The following LPP variants were observed in gnomAD, a reference collection of about 807,000 sequenced individuals.
LPP encodes lipoma-preferred partner.
In LPP, 38 loss-of-function variants were observed where a neutral mutation model predicts 60.4. The observed-to-expected ratio is 0.63, with a 90% CI of 0.49 to 0.83. The LOEUF is 0.83. Ranked by LOEUF, LPP falls within the 40% of genes least tolerant of loss-of-function variation. LPP has a pLI of 0.00. For synonymous variants in LPP, 328 were observed against 290.8 expected (o/e 1.13, Z -1.30); for missense variants, 902 against 783.6 (o/e 1.15, Z -1.80).
intron 3 of LPP, among the ~76,000 whole-genome samples, chr3:188,384,129 G>C (rs1370140162): frequency 6.6e-6 from 1 of 152,102 alleles, no homozygotes; most frequent in East Asian, 1.9e-4. Context: ...GAAATATTTT[G>C]CTCCATGTGT....
At chr3:188,494,741 A>G (rs1809428487) in intron 5 of LPP, among the ~76,000 whole-genome samples, 1 of 151,980 alleles carries the variant, frequency 6.6e-6, no homozygotes, top group African/African-American at 2.4e-5. Context: ...GTGCTCTTCC[A>G]GGCTTCCTGG....
chr3:188,610,945 G>A lies in LPP; in HGVS notation c.1113+1101G>A, dbSNP rs1373302448. 6.6e-6 allele frequency among the ~76,000 whole-genome samples: 1 copy of A among 152,192 alleles called. No individual in the cohort carries two copies. The highest frequency in any genetic ancestry group is 6.5e-5 in the Admixed American group (1 of 15,272). On this transcript the variant is annotated intron_variant, in intron 7 of 11. Coordinates refer to ENST00000617246, the MANE Select transcript of LPP (RefSeq NM_001375462.1). The surrounding 1 kb of genome is among the most constrained non-coding windows in gnomAD (Gnocchi z 4.4). ...ATGGTAGTTTTGGGGGATGGATTGG[G>A]TAGAAGTTTGGACTGTATTTTTAAA... is the stretch of plus-strand genomic sequence containing the variant.
At chr3:188,328,401 A>T (rs1759051625) in intron 2 of LPP, among the ~76,000 whole-genome samples, 1 of 152,208 alleles carries the variant, frequency 6.6e-6, no homozygotes, top group South Asian at 2.1e-4. Context: ...ATCACTGCTC[A>T]TTCATCAAAA....
intron 4 of LPP, among the ~76,000 whole-genome samples, chr3:188,448,603 G>T (rs1049860269): frequency 6.6e-6 from 1 of 152,118 alleles, no homozygotes; most frequent in Admixed American, 6.6e-5. Context: ...GACGATCTCT[G>T]TCAGTTTTGC....
intron 6 of LPP, among the ~76,000 whole-genome samples, chr3:188,580,821 C>A (rs1021746120): frequency 4.6e-5 from 7 of 152,074 alleles, no homozygotes; most frequent in African/African-American, 1.7e-4. Context: ...GCTGGCTAGG[C>A]AATCTAACAT....
chr3:188,848,823 G>A (rs536921704), intron 9 of LPP, among the ~76,000 whole-genome samples: 12 of 151,946 alleles, frequency 7.9e-5, no homozygotes, highest in Non-Finnish European at 1.3e-4. Context: ...AAAATTAGCC[G>A]GGCATGGTGG....
chr3:188,211,655 C>A (rs1734726789), intron 1 of LPP, among the ~76,000 whole-genome samples: 1 of 152,114 alleles, frequency 6.6e-6, no homozygotes, highest in Admixed American at 6.5e-5. Flanking sequence ...TTAAACTGAG[C>A]AATTCACCCC....
intron 4 of LPP, among the ~76,000 whole-genome samples, chr3:188,466,844 C>CATATATATATATATATATAT: frequency 1.9e-5 from 1 of 54,038 alleles, no homozygotes; most frequent in Admixed American, 1.9e-4. Context: ...TATATATATG[C>CATATATATATATATATATAT]TGTGTAAACT....
intron 4 of LPP, among the ~76,000 whole-genome samples, chr3:188,455,048 C>A (rs1797425841): frequency 6.6e-6 from 1 of 152,162 alleles, no homozygotes; most frequent in Non-Finnish European, 1.5e-5. Context: ...TTAATATGTG[C>A]TTTTATGTTT....
chr3:188,852,856 AG>A (rs1271311517), intron 9 of LPP, among the ~76,000 whole-genome samples: 1 of 152,176 alleles, frequency 6.6e-6, no homozygotes, highest in Non-Finnish European at 1.5e-5. Context: ...GATTAGCATT[AG>A]GAGGGCTGGG....
chr3:188,287,838 T>C (rs1341498186), intron 2 of LPP, among the ~76,000 whole-genome samples: 1 of 152,142 alleles, frequency 6.6e-6, no homozygotes, highest in Non-Finnish European at 1.5e-5. Context: ...TGAAAAAACA[T>C]GTTTAAGATG....
chr3:188,692,722 C>G (rs1469278233), intron 7 of LPP, among the ~76,000 whole-genome samples: 1 of 152,106 alleles, frequency 6.6e-6, no homozygotes, highest in Non-Finnish European at 1.5e-5. Context: ...CAGCAAGTGC[C>G]CTTTGAATAA....
chr3:188,667,184 T>C (rs1165077214), intron 7 of LPP, among the ~76,000 whole-genome samples: 1 of 152,014 alleles, frequency 6.6e-6, no homozygotes. Flanking sequence ...TCCTAAAATC[T>C]TCGGTAGGAG....
At chr3:188,418,996 T>C (rs1033771871) in intron 4 of LPP, among the ~76,000 whole-genome samples, 1 of 152,318 alleles carries the variant, frequency 6.6e-6, no homozygotes, top group Non-Finnish European at 1.5e-5. Context: ...CTGTTAATGT[T>C]GTAATGACTT....
intron 9 of LPP, among the ~76,000 whole-genome samples, chr3:188,831,782 G>T (rs1757198406): frequency 6.6e-6 from 1 of 152,132 alleles, no homozygotes; most frequent in African/African-American, 2.4e-5. Flanking sequence ...CTTTCAATCA[G>T]CTCTCTCTCC....
intron 7 of LPP, among the ~76,000 whole-genome samples, chr3:188,690,057 T>G (rs1317068522): frequency 2.6e-5 from 4 of 152,184 alleles, no homozygotes; most frequent in Admixed American, 1.3e-4. Context: ...TTGCCAATAT[T>G]TACATGTGAC....
Position 188,543,045 on chromosome 3 carries a change from A to G in LPP, c.429+18258A>G, listed in dbSNP as rs182856611. Among the ~76,000 whole-genome samples the G allele has an allele frequency of 2.4e-3, 365 of 152,246 alleles. 2 individuals are homozygous for G. The highest frequency in any genetic ancestry group is 6.8e-3 in the Middle Eastern group (2 of 294). On this transcript the variant is annotated intron_variant, in intron 6 of 11. Transcript: ENST00000617246. ...GCCTCAGGTCTGACTGCTCTTTGCAATTCAGCCTGTTGCAGTGAAGCTCTG... is the reference window on the plus strand; with the variant it reads ...GCCTCAGGTCTGACTGCTCTTTGCAGTTCAGCCTGTTGCAGTGAAGCTCTG...
chr3:188,838,094 T>C (rs4686998), intron 9 of LPP, among the ~76,000 whole-genome samples: 89,478 of 152,072 alleles, frequency 0.59, 26,684 homozygotes, highest in East Asian at 0.84. Flanking sequence ...TAATAACAGC[T>C]TCAAATTCTG....
At chr3:188,295,564 G>A (rs1161553131) in intron 2 of LPP, among the ~76,000 whole-genome samples, 3 of 152,108 alleles carry the variant, frequency 2.0e-5, no homozygotes, top group Non-Finnish European at 4.4e-5. Context: ...TAGAGACAGG[G>A]TCTCACTCTG....
Sources: gnomAD v4.1 joint callset for allele counts (sites outside exome capture counted in the v4.1 genomes callset) on GRCh38, gnomAD v4.1.1 for gene constraint, Gnocchi (gnomAD v3.1) non-coding constraint, MANE v1.5 for transcripts, NCBI Gene and HGNC (gene_info 2026-07-23, HGNC 2026-07-21) for gene names.